The following PITPNM2 variants were observed in gnomAD, a reference collection of about 807,000 sequenced individuals.
PITPNM2 encodes phosphatidylinositol transfer protein membrane associated 2, also known as membrane-associated phosphatidylinositol transfer protein 2.
Under a neutral mutation model 132.2 loss-of-function variants are expected in PITPNM2, and 35 were observed. That is an observed-to-expected ratio of 0.26 (90% CI 0.20 to 0.35). The LOEUF (loss-of-function observed/expected upper bound fraction) is 0.35. PITPNM2 is among the 10% of genes least tolerant of loss of function. The pLI is 1.00. For synonymous variants in PITPNM2, 738 were observed against 799.2 expected (o/e 0.92, Z 1.29); for missense variants, 1,332 against 1,912.0 (o/e 0.70, Z 5.66).
chr12:123,040,074 G>A (rs955507005), intron 2 of PITPNM2, among the ~76,000 whole-genome samples: 1 of 152,132 alleles, frequency 6.6e-6, no homozygotes, highest in East Asian at 1.9e-4. Context: ...AGGTTGCAGT[G>A]AGCCAAGATC....
chr12:123,050,327 G>A (rs2136641965), intron 2 of PITPNM2, among the ~76,000 whole-genome samples: 1 of 152,266 alleles, frequency 6.6e-6, no homozygotes, highest in Admixed American at 6.5e-5. Flanking sequence ...TAAACACTCT[G>A]CCACAACAAT....
chr12:123,038,536 G>A (rs999235576), intron 2 of PITPNM2, among the ~76,000 whole-genome samples: 1 of 152,236 alleles, frequency 6.6e-6, no homozygotes, highest in Non-Finnish European at 1.5e-5. Context: ...TCAGTCCAGA[G>A]GGGTCTCAGG....
rs2042962169 is a variant in PITPNM2, at chr12:123,117,914, C to T, written c.-199-7426G>A. 6.6e-6 allele frequency among the ~76,000 whole-genome samples: 1 copy of T among 152,224 alleles called. No homozygotes were observed. The highest frequency in any genetic ancestry group is 1.9e-4 in the East Asian group (1 of 5,196). ...GCCCCCAGAATGCCCCATGCAATCT[C>T]CTATGCTCCCTCTTTCTCTGCTTAC... On this transcript the variant is annotated intron_variant, in intron 1 of 25. Transcript: ENST00000320201. This position sits in a 1 kb window ranked among gnomAD's most constrained non-coding sequence, Gnocchi z 4.7.
rs779605924 is a variant in PITPNM2 at position 123,004,352 on chromosome 12, G to A, written c.1048+42C>T. Reference sequence around the variant, plus strand: ...GCCCTTTCAGACCCCTCCCCACCTCGCCCAGGAAGGCCCCAAGGACTGCAG... The same window carrying A: ...GCCCTTTCAGACCCCTCCCCACCTCACCCAGGAAGGCCCCAAGGACTGCAG... On this transcript the variant is annotated intron_variant, in intron 8 of 25. Transcript: ENST00000320201. The surrounding 1 kb of genome is among the most constrained non-coding windows in gnomAD (Gnocchi z 4.9). 2.1e-5 allele frequency: 34 copies of A among 1,594,630 alleles called. No individual in the cohort carries two copies. Among genetic ancestry groups the A allele is most frequent in the South Asian group, 7.7e-5 (7 of 90,468 alleles).
intron 2 of PITPNM2, among the ~76,000 whole-genome samples, chr12:123,052,296 A>G (rs1157392926): frequency 6.6e-6 from 1 of 152,040 alleles, no homozygotes; most frequent in African/African-American, 2.4e-5. Flanking sequence ...AACCATCACA[A>G]AGTGCCACAA....
intron 1 of PITPNM2, among the ~76,000 whole-genome samples, chr12:123,120,684 C>T (rs2043016860): frequency 6.6e-6 from 1 of 152,132 alleles, no homozygotes; most frequent in Non-Finnish European, 1.5e-5. Flanking sequence ...ACACCTAGCA[C>T]CTTAGGGCAG....
chr12:123,089,760 C>T (rs942187008), intron 2 of PITPNM2: 2 of 152,246 alleles, frequency 1.3e-5, no homozygotes, highest in Non-Finnish European at 2.9e-5. Flanking sequence ...AGCCTTCAAA[C>T]TCAGGTCAAA....
At chr12:123,029,295 GATAA>G (rs2039985753) in intron 3 of PITPNM2, among the ~76,000 whole-genome samples, 1 of 152,208 alleles carries the variant, frequency 6.6e-6, no homozygotes, top group African/African-American at 2.4e-5. Flanking sequence ...TTAGGTTACA[GATAA>G]AGAAACTGGC....
At position 123,000,731 on chromosome 12, in the gene PITPNM2, C is replaced by T. The variant is rs1398396497; in HGVS notation, c.1224+47G>A. 1 of 1,596,372 alleles carries T rather than the reference C, an allele frequency of 6.3e-7. No homozygotes were observed. The highest frequency in any genetic ancestry group is 8.6e-7 in the Non-Finnish European group (1 of 1,166,436). ...CAGACTATTCCTCTGCACCCTGCCC[C>T]TCCCTTGGCGGCCATGCCCCTGTCC... On this transcript the variant is annotated intron_variant, in intron 10 of 25. Coordinates refer to ENST00000320201, the MANE Select transcript of PITPNM2 (RefSeq NM_020845.3). The surrounding 1 kb of genome is among the most constrained non-coding windows in gnomAD (Gnocchi z 5.4).
Position 123,005,406 on chromosome 12 carries a change from C to T in PITPNM2, c.786G>A (p.Glu262=), listed in dbSNP as rs184670411. The part of the protein sequence containing the change: ...MLSRKMAQFN[E]DGEEATELVK... ...CGAGCTCAGTGGCCTCCTCACCATC[C>T]TCATTGAACTGGGCCATCTTACGGG... The change falls in exon 7 of 26, where the codon GAG becomes GAA. Residue 262 remains glutamate, a synonymous_variant. Transcript: ENST00000320201. The surrounding 1 kb of genome is among the most constrained non-coding windows in gnomAD (Gnocchi z 6.2). The T allele has an allele frequency of 5.0e-6, 8 of 1,614,076 alleles. No homozygotes were observed. The South Asian group carries it at 7.7e-5, about 16-fold the overall frequency.
At chr12:123,135,586 G>A (rs2043362090) in intron 1 of PITPNM2, among the ~76,000 whole-genome samples, 1 of 152,158 alleles carries the variant, frequency 6.6e-6, no homozygotes, top group Non-Finnish European at 1.5e-5. Flanking sequence ...ACTACTCTAG[G>A]TACCTTGTAT....
intron 3 of PITPNM2, among the ~76,000 whole-genome samples, chr12:123,019,767 T>C (rs1447720251): frequency 6.6e-6 from 1 of 152,124 alleles, no homozygotes; most frequent in Non-Finnish European, 1.5e-5. Context: ...GGAAGAATCA[T>C]CCCTGCTCCA....
intron 1 of PITPNM2, among the ~76,000 whole-genome samples, chr12:123,145,275 G>C (rs1565884707): frequency 6.6e-6 from 1 of 152,180 alleles, no homozygotes; most frequent in Non-Finnish European, 1.5e-5. Context: ...CTCAGACAGA[G>C]CTATTCCACC....
intron 1 of PITPNM2, among the ~76,000 whole-genome samples, chr12:123,131,540 C>T (rs1330236218): frequency 6.6e-6 from 1 of 152,188 alleles, no homozygotes; most frequent in East Asian, 1.9e-4. Context: ...GGAATTAACA[C>T]AGAGATATGG....
At chr12:123,115,853 A>C (rs2042927623) in intron 1 of PITPNM2, among the ~76,000 whole-genome samples, 1 of 152,152 alleles carries the variant, frequency 6.6e-6, no homozygotes, top group African/African-American at 2.4e-5. Flanking sequence ...AGCAATACAA[A>C]ACACAGCACA....
chr12:123,129,203 AG>A (rs2043210385), intron 1 of PITPNM2, among the ~76,000 whole-genome samples: 1 of 152,066 alleles, frequency 6.6e-6, no homozygotes. Context: ...CGGCAGGCTG[AG>A]GCAGGGGAAT....
chr12:122,991,967 G>A, intron 16 of PITPNM2: 2 of 1,266,112 alleles, frequency 1.6e-6, no homozygotes, highest in Non-Finnish European at 2.0e-6. Context: ...GACACGCTCT[G>A]ACACAGAGAC....
chr12:122,992,472 A>G lies in PITPNM2; in HGVS notation c.2404+27T>C. ...CCACGCTTACCCCACCTTCCCCCAGAGGAGTGGGGCGGAATGTGCCTCTCA... is the reference window on the plus strand; with the variant it reads ...CCACGCTTACCCCACCTTCCCCCAGGGGAGTGGGGCGGAATGTGCCTCTCA... On this transcript the variant is annotated intron_variant, in intron 16 of 25. Transcript: ENST00000320201. This position sits in a 1 kb window ranked among gnomAD's most constrained non-coding sequence, Gnocchi z 6.5. 1 of 1,593,568 alleles carries G rather than the reference A, an allele frequency of 6.3e-7. No homozygotes were observed. The highest frequency in any genetic ancestry group is 1.4e-5 in the African/African-American group (1 of 73,912).
chr12:122,985,921 C>T lies in PITPNM2; in HGVS notation c.*106G>A. 9.2e-7 allele frequency: 1 copy of T among 1,086,660 alleles called. No individual in the cohort carries two copies. 67.3% of individuals were successfully genotyped at this position (1,086,660 alleles called of 1,614,324 possible). On this transcript the variant is annotated 3_prime_UTR_variant, in exon 26 of 26. Coordinates refer to ENST00000320201, the MANE Select transcript of PITPNM2 (RefSeq NM_020845.3). ...CCGTGTCCTCCACAAGGCCCTGGGACAATCTCCCAGGCCCACGTCAGTGCG... is the reference window on the plus strand; with the variant it reads ...CCGTGTCCTCCACAAGGCCCTGGGATAATCTCCCAGGCCCACGTCAGTGCG...
Sources: gnomAD v4.1 joint callset for allele counts (sites outside exome capture counted in the v4.1 genomes callset) on GRCh38, gnomAD v4.1.1 for gene constraint, Gnocchi (gnomAD v3.1) non-coding constraint, MANE v1.5 for transcripts, NCBI Gene and HGNC (gene_info 2026-07-23, HGNC 2026-07-21) for gene names.